Variants in OPHN1 observed in about 807,000 individuals in gnomAD.
The protein encoded by OPHN1 is oligophrenin-1.
Under a neutral mutation model 60.7 loss-of-function variants are expected in OPHN1, and 11 were observed. That is an observed-to-expected ratio of 0.18 (90% confidence interval 0.11 to 0.30). OPHN1 has a LOEUF of 0.30. Ranked by LOEUF, OPHN1 falls within the 10% of genes least tolerant of loss-of-function variation. The pLI is 1.00. For missense variants in OPHN1, 449 were observed against 611.0 expected (o/e 0.73, Z 2.80); for synonymous variants, 226 against 222.6 (o/e 1.02, Z -0.14).
intron 2 of OPHN1, among the ~76,000 whole-genome samples, chrX:68,393,551 T>C (rs1301527207): frequency 8.9e-6 from 1 of 112,086 alleles, no homozygotes; most frequent in Non-Finnish European, 1.9e-5. Flanking sequence ...AATTTGACAT[T>C]TGCATTTATT....
intron 5 of OPHN1, among the ~76,000 whole-genome samples, chrX:68,251,131 A>C (rs1014426954): frequency 9.3e-6 from 1 of 107,311 alleles, no homozygotes; most frequent in Non-Finnish European, 1.9e-5. Context: ...CTTTAATTTC[A>C]TGAGAAAAGG....
chrX:68,132,103 A>T (rs2077197291), intron 15 of OPHN1, among the ~76,000 whole-genome samples: 1 of 109,284 alleles, frequency 9.2e-6, no homozygotes, highest in African/African-American at 3.6e-5. Flanking sequence ...ATTCAGTCTG[A>T]TATTGGCTGT....
chrX:68,280,505 G>A (rs1323381946), intron 4 of OPHN1, among the ~76,000 whole-genome samples: 1 of 111,499 alleles, frequency 9.0e-6, no homozygotes, highest in African/African-American at 3.3e-5. Flanking sequence ...GATTCTATGA[G>A]CAGTATTTTG....
intron 8 of OPHN1, among the ~76,000 whole-genome samples, chrX:68,211,148 TA>T (rs772474240): frequency 9.0e-6 from 1 of 110,662 alleles, no homozygotes; most frequent in Non-Finnish European, 1.9e-5. Context: ...GCAAGGAGAG[TA>T]TATAGAAAGA....
At chrX:68,262,354 G>A (rs2077897617) in intron 5 of OPHN1, among the ~76,000 whole-genome samples, 1 of 112,266 alleles carries the variant, frequency 8.9e-6, no homozygotes, top group Non-Finnish European at 1.9e-5. Flanking sequence ...TTAAAAATAT[G>A]TCTATGCATA....
chrX:68,095,899 G>C (rs1452543507), intron 19 of OPHN1, among the ~76,000 whole-genome samples: 1 of 111,668 alleles, frequency 9.0e-6, no homozygotes, highest in Non-Finnish European at 1.9e-5. Context: ...TTTACCTTTT[G>C]TACTTGACCT....
chrX:68,356,105 C>T (rs1450124643), intron 2 of OPHN1, among the ~76,000 whole-genome samples: 9 of 110,352 alleles, frequency 8.2e-5, no homozygotes, highest in African/African-American at 3.3e-5. Context: ...GGCTGGGGCA[C>T]GGTGCCCAAA....
At chrX:68,083,482 G>GT (rs1317261383) in intron 19 of OPHN1, among the ~76,000 whole-genome samples, 2 of 112,233 alleles carry the variant, frequency 1.8e-5, no homozygotes, top group African/African-American at 6.5e-5. Context: ...TTAAGGGAAT[G>GT]TTGTGGCTGG....
At chrX:68,235,379 C>T (rs1239738976) in intron 5 of OPHN1, among the ~76,000 whole-genome samples, 1 of 111,245 alleles carries the variant, frequency 9.0e-6, no homozygotes, top group Non-Finnish European at 1.9e-5. Context: ...CTGTCTCATG[C>T]GAAATCCAAA....
chrX:68,075,990 T>A (rs1034701245), intron 19 of OPHN1, among the ~76,000 whole-genome samples: 1 of 110,058 alleles, frequency 9.1e-6, no homozygotes, highest in African/African-American at 3.3e-5. Context: ...ACTCATGATT[T>A]TCTAAAAGAC....
At position 68,193,906 on chromosome X, in the gene OPHN1, A is replaced by G; in HGVS notation, c.1185T>C (p.Asn395=). The G allele has an allele frequency of 8.3e-7, 1 of 1,206,969 alleles. No individual in the cohort carries two copies. Among genetic ancestry groups the G allele is most frequent in the South Asian group, 1.8e-5 (1 of 56,846 alleles). ...AGATCTTACCTTTGGTCTCAATAAT[A>G]TTGATGCACTTCCTGACAAACTTGA... The part of the protein sequence containing the change: ...VGFKFVRKCI[N]IIETKGIKTE... Residue 395 remains asparagine, a synonymous_variant, in exon 14 of 25, where the codon AAT becomes AAC. Transcript: ENST00000355520.
intron 2 of OPHN1, among the ~76,000 whole-genome samples, chrX:68,418,133 T>C (rs996652104): frequency 1.8e-5 from 2 of 111,875 alleles, no homozygotes; most frequent in East Asian, 2.8e-4. Flanking sequence ...TATACTACCA[T>C]AGCATACCTA....
chrX:68,183,741 G>A (rs2077449110), intron 15 of OPHN1, among the ~76,000 whole-genome samples: 2 of 112,262 alleles, frequency 1.8e-5, no homozygotes, highest in Admixed American at 1.9e-4. Flanking sequence ...ACCTCTTTGA[G>A]AATTACTCAT....
chrX:68,340,634 T>C (rs753339652), intron 2 of OPHN1, among the ~76,000 whole-genome samples: 5 of 111,699 alleles, frequency 4.5e-5, no homozygotes, highest in Admixed American at 9.6e-5. Context: ...TCTCTTGACC[T>C]TGGACTAAGC....
intron 2 of OPHN1, among the ~76,000 whole-genome samples, chrX:68,383,885 C>G (rs930677221): frequency 9.0e-6 from 1 of 110,909 alleles, no homozygotes; most frequent in Non-Finnish European, 1.9e-5. Context: ...AAGCCAAGAT[C>G]TAGAAGCAAC....
chrX:68,246,404 A>T (rs2077806113), intron 5 of OPHN1, among the ~76,000 whole-genome samples: 1 of 111,557 alleles, frequency 9.0e-6, no homozygotes, highest in South Asian at 3.7e-4. Flanking sequence ...GGGATAAAAA[A>T]CCCAAATGAA....
chrX:68,417,158 C>T (rs922489963), intron 2 of OPHN1, among the ~76,000 whole-genome samples: 1 of 111,091 alleles, frequency 9.0e-6, no homozygotes, highest in South Asian at 3.8e-4. Flanking sequence ...TGCAGTGGCG[C>T]GATCTCGGCT....
chrX:68,112,060 TGCAC>T (rs2147430205), intron 17 of OPHN1, 101 bp from the exon 18 acceptor site: 1 of 367,871 alleles, frequency 2.7e-6, no homozygotes, highest in Non-Finnish European at 4.6e-6. Flanking sequence ...CATGCACACA[TGCAC>T]ACACACACAC....
At chrX:68,341,723 A>G (rs949012068) in intron 2 of OPHN1, among the ~76,000 whole-genome samples, 1 of 110,052 alleles carries the variant, frequency 9.1e-6, no homozygotes. Context: ...CTGTAGTCCC[A>G]GCTACTCAGG....
Sources: gnomAD v4.1 joint callset for allele counts (sites outside exome capture counted in the v4.1 genomes callset) on GRCh38, gnomAD v4.1.1 for gene constraint, MANE v1.5 for transcripts, NCBI Gene and HGNC (gene_info 2026-07-23, HGNC 2026-07-21) for gene names.